Variants in WWOX observed in about 807,000 individuals in gnomAD.
The protein encoded by WWOX is WW domain containing oxidoreductase, also known as WW domain-containing oxidoreductase.
Under a neutral mutation model 46.2 loss-of-function variants are expected in WWOX, and 69 were observed. The ratio of observed to expected loss-of-function variants is 1.49; its 90% CI spans 1.23 to 1.82. The LOEUF (loss-of-function observed/expected upper bound fraction) is 1.82, where lower values mean the gene tolerates loss of function less well. WWOX is among the 40% of genes most tolerant of loss of function. WWOX has a pLI of 0.00. For synonymous variants in WWOX, 359 were observed against 202.6 expected (o/e 1.77, Z -6.56); for missense variants, 919 against 542.6 (o/e 1.69, Z -6.89).
intron 8 of WWOX, among the ~76,000 whole-genome samples, chr16:78,509,370 C>G (rs13331264): frequency 6.6e-6 from 1 of 151,546 alleles, no homozygotes; most frequent in Non-Finnish European, 1.5e-5. Flanking sequence ...ACCCGGGAGG[C>G]GGAGGCTGCA....
intron 5 of WWOX, among the ~76,000 whole-genome samples, chr16:78,307,517 C>A (rs1449345779): frequency 2.0e-5 from 3 of 152,172 alleles, no homozygotes; most frequent in Admixed American, 1.3e-4. Flanking sequence ...CTGGTGGCTT[C>A]TAGCCCCTGA....
chr16:78,312,019 G>C (rs2080254233), intron 5 of WWOX, among the ~76,000 whole-genome samples: 1 of 152,234 alleles, frequency 6.6e-6, no homozygotes, highest in African/African-American at 2.4e-5. Flanking sequence ...CTCGATCCAT[G>C]GCTCCTTTTC....
At chr16:79,054,395 G>A (rs554521134) in intron 8 of WWOX, among the ~76,000 whole-genome samples, 1 of 152,306 alleles carries the variant, frequency 6.6e-6, no homozygotes, top group Non-Finnish European at 1.5e-5. Flanking sequence ...TTGCATCCTA[G>A]AGGAGGAAAA....
chr16:78,499,149 C>T (rs1213803727), intron 8 of WWOX, among the ~76,000 whole-genome samples: 1 of 151,962 alleles, frequency 6.6e-6, no homozygotes, highest in Non-Finnish European at 1.5e-5. Context: ...TCTCTTTCCT[C>T]GTGATGCACG....
chr16:79,003,331 A>G (rs1403253254), intron 8 of WWOX, among the ~76,000 whole-genome samples: 1 of 152,124 alleles, frequency 6.6e-6, no homozygotes, highest in Non-Finnish European at 1.5e-5. Context: ...GTGATCTAAC[A>G]TTTGCTGAGA....
Position 78,119,240 on chromosome 16 carries a change from A to G in WWOX, c.409+4086A>G, listed in dbSNP as rs143728869. On this transcript the variant is annotated intron_variant, in intron 4 of 8. Transcript: ENST00000566780. Reference sequence around the variant, plus strand: ...CTCTGATTTGGTAAAAGCAACGGAAATGCCTTCAGCACGGTGAACATTACA... The same window carrying G: ...CTCTGATTTGGTAAAAGCAACGGAAGTGCCTTCAGCACGGTGAACATTACA... Among the ~76,000 whole-genome samples the G allele has an allele frequency of 8.6e-3, 1,304 of 152,334 alleles. 21 individuals are homozygous for G. The highest frequency in any genetic ancestry group is 0.083 in the South Asian group (403 of 4,830).
intron 5 of WWOX, among the ~76,000 whole-genome samples, chr16:78,281,569 G>A (rs1282276158): frequency 6.6e-6 from 1 of 152,162 alleles, no homozygotes; most frequent in African/African-American, 2.4e-5. Context: ...GGGCCTTGTA[G>A]TGTTTGTTGC....
intron 6 of WWOX, among the ~76,000 whole-genome samples, chr16:78,392,941 C>T (rs1018592509): frequency 6.6e-6 from 1 of 152,146 alleles, no homozygotes; most frequent in African/African-American, 2.4e-5. Flanking sequence ...AGCCTGCTTC[C>T]AGATAGTTCT....
intron 6 of WWOX, among the ~76,000 whole-genome samples, chr16:78,408,765 A>G (rs1277599332): frequency 1.3e-5 from 2 of 152,148 alleles, no homozygotes; most frequent in African/African-American, 2.4e-5. Flanking sequence ...TGGAGAAAGG[A>G]AGAGTTTCCT....
At chr16:78,212,003 T>C (rs1367301893) in intron 5 of WWOX, among the ~76,000 whole-genome samples, 1 of 152,202 alleles carries the variant, frequency 6.6e-6, no homozygotes, top group Non-Finnish European at 1.5e-5. Flanking sequence ...TCATGGGAGC[T>C]CTATTTATTT....
At chr16:79,023,785 A>C (rs1441295614) in intron 8 of WWOX, among the ~76,000 whole-genome samples, 1 of 55,130 alleles carries the variant, frequency 1.8e-5, no homozygotes, top group African/African-American at 1.0e-4. Flanking sequence ...CATCTCTACT[A>C]AAAATACAAA....
At chr16:78,243,071 C>T (rs931269694) in intron 5 of WWOX, among the ~76,000 whole-genome samples, 5 of 152,098 alleles carry the variant, frequency 3.3e-5, no homozygotes, top group African/African-American at 1.2e-4. Flanking sequence ...TCCTAGCCTC[C>T]TCTCACCCAG....
chr16:79,162,013 A>G (rs1418505894), intron 8 of WWOX, among the ~76,000 whole-genome samples: 1 of 152,124 alleles, frequency 6.6e-6, no homozygotes, highest in Non-Finnish European at 1.5e-5. Flanking sequence ...GAACCAGGAC[A>G]CCTGTCTCCC....
chr16:78,575,487 A>G (rs1409278994), intron 8 of WWOX, among the ~76,000 whole-genome samples: 1 of 152,026 alleles, frequency 6.6e-6, no homozygotes, highest in Non-Finnish European at 1.5e-5. Flanking sequence ...GTCTGCATGG[A>G]GGACAAGAAG....
intron 8 of WWOX, among the ~76,000 whole-genome samples, chr16:78,774,964 G>C (rs1003166036): frequency 6.6e-6 from 1 of 152,268 alleles, no homozygotes; most frequent in East Asian, 1.9e-4. Flanking sequence ...TATTTGTGGT[G>C]TATGCTCGAA....
intron 5 of WWOX, among the ~76,000 whole-genome samples, chr16:78,274,541 C>A (rs543698905): frequency 6.6e-6 from 1 of 152,236 alleles, no homozygotes; most frequent in East Asian, 1.9e-4. Context: ...TCAGTTTGCC[C>A]TTCATGATTT....
At chr16:79,022,796 C>A (rs987435267) in intron 8 of WWOX, among the ~76,000 whole-genome samples, 2 of 152,140 alleles carry the variant, frequency 1.3e-5, no homozygotes, top group African/African-American at 4.8e-5. Flanking sequence ...TCAGAAGCAC[C>A]CAGGGATGAT....
At chr16:78,443,321 A>G (rs377094839) in intron 8 of WWOX, among the ~76,000 whole-genome samples, 1 of 151,788 alleles carries the variant, frequency 6.6e-6, no homozygotes, top group South Asian at 2.1e-4. Context: ...ACAAAAAAAA[A>G]CCCAAAACTA....
At position 78,241,963 on chromosome 16, in the gene WWOX, T is replaced by G. The variant is rs533858311; in HGVS notation, c.516+77674T>G. The stretch of plus-strand genomic sequence containing the variant: ...CCACTGATAAAGCAAAAGCAAATGT[T>G]TTGGGTGAATTCCCCATAGCTACAC... On this transcript the variant is annotated intron_variant, in intron 5 of 8. Transcript: ENST00000566780. 2.0e-4 allele frequency among the ~76,000 whole-genome samples: 31 copies of G among 152,290 alleles called. No individual in the cohort carries two copies. In the South Asian group the frequency reaches 6.2e-3, roughly 31 times the overall value.
Sources: allele counts gnomAD v4.1 joint callset (sites outside exome capture counted in the v4.1 genomes callset), GRCh38; gene constraint gnomAD v4.1.1; transcripts MANE v1.5; gene names NCBI Gene and HGNC (gene_info 2026-07-23, HGNC 2026-07-21).